The following ERBB4 variants were observed in gnomAD, a reference collection of about 807,000 sequenced individuals.
The protein encoded by ERBB4 is receptor tyrosine-protein kinase erbB-4.
Under a neutral mutation model 158.0 loss-of-function variants are expected in ERBB4, and 42 were observed. The ratio of observed to expected loss-of-function variants is 0.27; its 90% CI spans 0.21 to 0.34. The LOEUF is 0.34. Among genes scored for constraint, ERBB4 ranks in the 10% least tolerant of loss-of-function variants. ERBB4 has a pLI of 1.00. For missense variants in ERBB4, 1,333 were observed against 1,624.1 expected (o/e 0.82, Z 3.08); for synonymous variants, 583 against 558.7 (o/e 1.04, Z -0.61).
chr2:211,696,422 T>C (rs182376852), intron 12 of ERBB4, among the ~76,000 whole-genome samples: 85 of 152,168 alleles, frequency 5.6e-4, no homozygotes, highest in Non-Finnish European at 2.9e-4. Context: ...TGTATAGCAC[T>C]TTCTTTGAGC....
chr2:212,113,938 AT>A (rs574253641), intron 2 of ERBB4, among the ~76,000 whole-genome samples: 1 of 152,200 alleles, frequency 6.6e-6, no homozygotes, highest in Admixed American at 6.5e-5. Context: ...ATTCCTGTGC[AT>A]TTTTTTCCTG....
chr2:211,435,791 A>G (rs1574485749), intron 20 of ERBB4, among the ~76,000 whole-genome samples: 1 of 152,202 alleles, frequency 6.6e-6, no homozygotes, highest in Non-Finnish European at 1.5e-5. Context: ...GGTGCCAAAA[A>G]GGTTGGGGAC....
chr2:211,821,117 T>C (rs995587326), intron 3 of ERBB4, among the ~76,000 whole-genome samples: 15 of 151,916 alleles, frequency 9.9e-5, no homozygotes, highest in African/African-American at 3.4e-4. Flanking sequence ...TGTCCCTGTT[T>C]GTAGATGACA....
chr2:211,461,379 T>C (rs1373979286), intron 20 of ERBB4, among the ~76,000 whole-genome samples: 1 of 152,062 alleles, frequency 6.6e-6, no homozygotes, highest in African/African-American at 2.4e-5. Context: ...AAAATAAAAA[T>C]GGACTGCAAA....
At chr2:211,935,134 G>A (rs1362189031) in intron 3 of ERBB4, among the ~76,000 whole-genome samples, 1 of 151,964 alleles carries the variant, frequency 6.6e-6, no homozygotes, top group East Asian at 1.9e-4. Flanking sequence ...ATAAATTATT[G>A]TATGCCCTCC....
chr2:212,410,766 T>C (rs1362447741), intron 1 of ERBB4, among the ~76,000 whole-genome samples: 1 of 152,120 alleles, frequency 6.6e-6, no homozygotes, highest in Non-Finnish European at 1.5e-5. Context: ...TTAAGATTAT[T>C]TAAAATGCTG....
chr2:211,543,170 T>G (rs2066858952), intron 20 of ERBB4, among the ~76,000 whole-genome samples: 1 of 151,938 alleles, frequency 6.6e-6, no homozygotes, highest in Admixed American at 6.6e-5. Context: ...GTTTATAAAT[T>G]GTTTATCAGC....
intron 3 of ERBB4, among the ~76,000 whole-genome samples, chr2:211,888,707 C>T (rs11890789): frequency 1.3e-5 from 2 of 151,924 alleles, no homozygotes; most frequent in South Asian, 2.1e-4. Context: ...GTGCGCGAGC[C>T]GAAGCAGGGC....
In ERBB4 at chr2:211,431,078, C is replaced by T. The variant is rs1366287589; in HGVS notation, c.2510G>A (p.Arg837Lys). Residue 837 changes from arginine (R) to lysine (K), a missense_variant, in exon 21 of 28, where the codon AGA (arginine) becomes AAA (lysine). Around this residue, in one of 5 missense-constraint regions of ERBB4, gnomAD observed 314 missense variants for 437.6 expected, o/e 0.72. Transcript: ENST00000342788. Reference protein sequence around the residue: ...IAKGMMYLEERRLVHRDLAAR... With the variant: ...IAKGMMYLEEKRLVHRDLAAR... ...TGCCAAATCCCGATGAACGAGTCGT[C>T]TTTCTTCCAGGTACATCATTCCCTG... 9.9e-6 allele frequency: 16 copies of T among 1,613,864 alleles called. No homozygotes were observed. Among genetic ancestry groups the T allele is most frequent in the Non-Finnish European group, 1.4e-5 (16 of 1,179,840 alleles).
At chr2:211,450,913 T>C (rs1011465441) in intron 20 of ERBB4, among the ~76,000 whole-genome samples, 3 of 152,234 alleles carry the variant, frequency 2.0e-5, no homozygotes, top group African/African-American at 7.2e-5. Context: ...CTCATATTCA[T>C]GCTGTATTCT....
At chr2:211,963,452 T>C (rs1326383693) in intron 2 of ERBB4, among the ~76,000 whole-genome samples, 1 of 152,172 alleles carries the variant, frequency 6.6e-6, no homozygotes, top group Admixed American at 6.6e-5. Context: ...ATACCATCAA[T>C]ACAATCCATA....
chr2:212,225,181 G>T (rs189751233), intron 1 of ERBB4, among the ~76,000 whole-genome samples: 109 of 151,964 alleles, frequency 7.2e-4, no homozygotes, highest in African/African-American at 2.5e-3. Context: ...AATTTTTACA[G>T]CTTCTCTGCT....
At chr2:212,058,763 A>G (rs1298400940) in intron 2 of ERBB4, among the ~76,000 whole-genome samples, 2 of 152,210 alleles carry the variant, frequency 1.3e-5, no homozygotes, top group Non-Finnish European at 2.9e-5. Context: ...AAAACTCTCA[A>G]TAAATTAGGT....
rs994745837 is a variant in ERBB4 at position 212,505,596 on chromosome 2, C to T, written c.82+32853G>A. Among the ~76,000 whole-genome samples the T allele has an allele frequency of 3.4e-5, 5 of 149,194 alleles. No homozygotes were observed. In the East Asian group the frequency reaches 9.6e-4, roughly 29 times the overall value. On this transcript the variant is annotated intron_variant, in intron 1 of 27. Coordinates refer to ENST00000342788, the MANE Select transcript of ERBB4 (RefSeq NM_005235.3). ...AAAAGGCGATGCCTCTTTATCTGAG[C>T]TATTTCTGAGCTGTGTTTGCAGTGA... is the stretch of plus-strand genomic sequence containing the variant.
intron 1 of ERBB4, among the ~76,000 whole-genome samples, chr2:212,415,496 T>C (rs926402298): frequency 6.6e-6 from 1 of 152,104 alleles, no homozygotes; most frequent in East Asian, 1.9e-4. Flanking sequence ...TTAAAGGAAA[T>C]AGCATTTAGA....
intron 19 of ERBB4, among the ~76,000 whole-genome samples, chr2:211,573,341 A>G (rs2067790709): frequency 6.6e-6 from 1 of 152,090 alleles, no homozygotes; most frequent in Non-Finnish European, 1.5e-5. Flanking sequence ...GATATAATAT[A>G]TTTCTGTTAT....
chr2:212,151,269 T>C (rs953051044), intron 1 of ERBB4, among the ~76,000 whole-genome samples: 7 of 150,842 alleles, frequency 4.6e-5, no homozygotes, highest in Admixed American at 2.0e-4. Flanking sequence ...ATATATTTAA[T>C]ATATACATTA....
intron 20 of ERBB4, among the ~76,000 whole-genome samples, chr2:211,504,312 T>C (rs914237465): frequency 2.0e-5 from 3 of 151,922 alleles, no homozygotes; most frequent in African/African-American, 2.4e-5. Context: ...ACAATGAGCA[T>C]TTGAAAAAAC....
chr2:212,373,145 C>G (rs555975748), intron 1 of ERBB4, among the ~76,000 whole-genome samples: 1 of 152,212 alleles, frequency 6.6e-6, no homozygotes, highest in East Asian at 1.9e-4. Context: ...CTCTGTAAAT[C>G]ATTATATACT....
Sources: allele counts gnomAD v4.1 joint callset (sites outside exome capture counted in the v4.1 genomes callset), GRCh38; gene constraint gnomAD v4.1.1; regional missense constraint gnomAD v4.1.1; transcripts MANE v1.5; gene names NCBI Gene and HGNC (gene_info 2026-07-23, HGNC 2026-07-21).